PTPRD: variants seen among roughly 807,000 people sequenced by gnomAD.
PTPRD encodes the protein receptor-type tyrosine-protein phosphatase delta.
In PTPRD, 34 loss-of-function variants were observed where a neutral mutation model predicts 214.5. The ratio of observed to expected loss-of-function variants is 0.16; its 90% CI spans 0.12 to 0.21. PTPRD has a LOEUF of 0.21. Ranked by LOEUF, PTPRD falls within the 10% of genes least tolerant of loss-of-function variation. The pLI, the probability that PTPRD is intolerant of heterozygous loss-of-function variation, is 1.00. For missense variants in PTPRD, 2,545 were observed against 2,398.7 expected (o/e 1.06, Z -1.27); for synonymous variants, 1,128 against 845.7 (o/e 1.33, Z -5.79).
intron 6 of PTPRD, among the ~76,000 whole-genome samples, chr9:9,737,800 A>G (rs1262783803): frequency 6.6e-6 from 1 of 152,092 alleles, no homozygotes; most frequent in Non-Finnish European, 1.5e-5. Flanking sequence ...GAACATTCCT[A>G]TATGTGTTTT....
intron 3 of PTPRD, among the ~76,000 whole-genome samples, chr9:10,101,565 A>C (rs2098552072): frequency 6.6e-6 from 1 of 151,694 alleles, no homozygotes; most frequent in South Asian, 2.1e-4. Flanking sequence ...TTACCATAGA[A>C]GGATCACCTT....
intron 5 of PTPRD, among the ~76,000 whole-genome samples, chr9:9,783,871 C>A (rs1267257851): frequency 2.0e-5 from 3 of 147,990 alleles, no homozygotes; most frequent in Non-Finnish European, 3.0e-5. Flanking sequence ...GTAAAATGAA[C>A]CACAGTACTT....
chr9:9,834,900 C>T (rs1317602735), intron 5 of PTPRD, among the ~76,000 whole-genome samples: 1 of 151,444 alleles, frequency 6.6e-6, no homozygotes, highest in Admixed American at 6.6e-5. Context: ...GTCCTCTGGT[C>T]AAAGTAAATA....
At chr9:8,444,244 C>T (rs890047502) in intron 34 of PTPRD, among the ~76,000 whole-genome samples, 5 of 152,080 alleles carry the variant, frequency 3.3e-5, no homozygotes, top group African/African-American at 1.2e-4. Flanking sequence ...ATTTTGATAT[C>T]TATAGAACTG....
At chr9:8,928,749 G>A (rs1050344520) in intron 11 of PTPRD, among the ~76,000 whole-genome samples, 2 of 152,090 alleles carry the variant, frequency 1.3e-5, no homozygotes, top group Admixed American at 1.3e-4. Flanking sequence ...TAGTTTCATG[G>A]GGAAAGCACT....
At chr9:8,614,413 T>A (rs1447195273) in intron 14 of PTPRD, among the ~76,000 whole-genome samples, 1 of 152,136 alleles carries the variant, frequency 6.6e-6, no homozygotes, top group Non-Finnish European at 1.5e-5. Context: ...GGTTTATTCA[T>A]AGTAAAAGAC....
intron 3 of PTPRD, among the ~76,000 whole-genome samples, chr9:10,267,273 T>G (rs111699311): frequency 1.3e-5 from 2 of 151,264 alleles, no homozygotes; most frequent in African/African-American, 4.9e-5. Context: ...TGGAAGTAGG[T>G]TGAATGATGT....
At chr9:8,872,034 C>T (rs1297147293) in intron 11 of PTPRD, among the ~76,000 whole-genome samples, 1 of 152,178 alleles carries the variant, frequency 6.6e-6, no homozygotes, top group Non-Finnish European at 1.5e-5. Context: ...AAAGCTATTG[C>T]TTCCCTTTCT....
intron 39 of PTPRD, among the ~76,000 whole-genome samples, chr9:8,375,020 C>G (rs2082797619): frequency 6.6e-6 from 1 of 151,808 alleles, no homozygotes; most frequent in Non-Finnish European, 1.5e-5. Context: ...ACGATAGATG[C>G]TTTCTTGGGT....
intron 5 of PTPRD, among the ~76,000 whole-genome samples, chr9:9,909,538 T>C (rs2078584558): frequency 6.6e-6 from 1 of 151,954 alleles, no homozygotes; most frequent in African/African-American, 2.4e-5. Flanking sequence ...GTTGATATAT[T>C]TATATGAATT....
At chr9:10,444,022 T>C (rs1003386230) in intron 2 of PTPRD, among the ~76,000 whole-genome samples, 1 of 151,744 alleles carries the variant, frequency 6.6e-6, no homozygotes, top group Non-Finnish European at 1.5e-5. Flanking sequence ...AACATTCATA[T>C]TCCTGCCAAG....
intron 3 of PTPRD, among the ~76,000 whole-genome samples, chr9:10,260,916 T>G (rs906095124): frequency 6.6e-6 from 1 of 151,382 alleles, no homozygotes; most frequent in Non-Finnish European, 1.5e-5. Context: ...AATTCTTGTA[T>G]AGTCAAGGGA....
At chr9:9,135,716 C>T (rs1000326866) in intron 10 of PTPRD, among the ~76,000 whole-genome samples, 14 of 151,540 alleles carry the variant, frequency 9.2e-5, no homozygotes, top group Admixed American at 7.9e-4. Flanking sequence ...AGCATATATC[C>T]TATGTTAGAA....
At chr9:8,597,995 C>G (rs2094565117) in intron 14 of PTPRD, among the ~76,000 whole-genome samples, 1 of 152,138 alleles carries the variant, frequency 6.6e-6, no homozygotes, top group Non-Finnish European at 1.5e-5. Context: ...CTATAAACAT[C>G]TCTCATTTTG....
At chr9:9,286,231 G>A (rs996209919) in intron 9 of PTPRD, among the ~76,000 whole-genome samples, 5 of 151,690 alleles carry the variant, frequency 3.3e-5, no homozygotes, top group African/African-American at 1.2e-4. Context: ...CATTGCTACT[G>A]ACTTACATCA....
chr9:10,245,254 A>G (rs1205138738), intron 3 of PTPRD, among the ~76,000 whole-genome samples: 1 of 152,158 alleles, frequency 6.6e-6, no homozygotes, highest in African/African-American at 2.4e-5. Flanking sequence ...TAAAGCAGAG[A>G]CAGCATTAAA....
At chr9:10,337,023 C>A (rs556426688) in intron 3 of PTPRD, among the ~76,000 whole-genome samples, 1 of 151,620 alleles carries the variant, frequency 6.6e-6, no homozygotes, top group South Asian at 2.1e-4. Context: ...AGTTAGTTTG[C>A]GACTGCAGCA....
At chr9:10,318,371 C>A (rs1043996257) in intron 3 of PTPRD, among the ~76,000 whole-genome samples, 3 of 151,968 alleles carry the variant, frequency 2.0e-5, no homozygotes, top group African/African-American at 7.2e-5. Context: ...ATCCTTATGA[C>A]CATAATATAG....
chr9:9,072,412 C>T (rs2099745105), intron 10 of PTPRD, among the ~76,000 whole-genome samples: 1 of 151,800 alleles, frequency 6.6e-6, no homozygotes, highest in African/African-American at 2.4e-5. Context: ...ATTTGGAAGC[C>T]AATGTTGTAA....
Sources: allele counts gnomAD v4.1 joint callset (sites outside exome capture counted in the v4.1 genomes callset), GRCh38; gene constraint gnomAD v4.1.1; transcripts MANE v1.5; gene names NCBI Gene and HGNC (gene_info 2026-07-23, HGNC 2026-07-21).